The following CTNNB1 variants were observed in gnomAD, a reference collection of about 807,000 sequenced individuals.
The protein encoded by CTNNB1 is catenin beta-1.
A neutral mutation model predicts 82.5 loss-of-function variants in CTNNB1; 6 were observed. The observed-to-expected ratio is 0.07, with a 90% CI of 0.04 to 0.14. The LOEUF is 0.14. CTNNB1 is among the 10% of genes least tolerant of loss of function. CTNNB1 has a pLI of 1.00. For missense variants in CTNNB1, 529 were observed against 980.4 expected, an observed-to-expected ratio of 0.54 and a Z score of 6.15; for synonymous variants, 312 against 329.7, an observed-to-expected ratio of 0.95 and a Z score of 0.58.
At chr3:41,216,568 T>G (rs188611149) in intron 1 of CTNNB1, among the ~76,000 whole-genome samples, 4 of 152,396 alleles carry the variant, frequency 2.6e-5, no homozygotes, top group Non-Finnish European at 1.5e-5. Flanking sequence ...TAGCAGTTTG[T>G]TTTTGCCTTG....
intron 1 of CTNNB1, among the ~76,000 whole-genome samples, chr3:41,215,887 T>C (rs1302976255): frequency 3.9e-5 from 6 of 152,152 alleles, no homozygotes; most frequent in Non-Finnish European, 7.4e-5. Context: ...TATTAAAAGT[T>C]TTTTTGGGCT....
chr3:41,199,990 C>G (rs1402797527), intron 1 of CTNNB1: 1 of 144,978 alleles, frequency 6.9e-6, no homozygotes, highest in Non-Finnish European at 1.5e-5. Context: ...TCTGTGGTTT[C>G]CGTCCGGGGC....
In CTNNB1 at chr3:41,240,176, T is replaced by G. The variant is rs996677731; in HGVS notation, c.*834T>G. The G allele has an allele frequency of 4.9e-6, 1 of 203,680 alleles. No individual in the cohort carries two copies. Among genetic ancestry groups the G allele is most frequent in the Non-Finnish European group, 1.0e-5 (1 of 98,932 alleles). The allele number at this position is 203,680 out of a possible 1,614,324, so 12.6% of individuals were successfully genotyped here. A position where few individuals can be genotyped will look rare whatever the true frequency, so the allele number is the denominator to read the frequency against. ...GTAACAATTGTGTAGCCTTTTTGTA[T>G]AAAATAGACAAATAGAAAATGGTCC... On this transcript the variant is annotated 3_prime_UTR_variant, in exon 15 of 15. Coordinates refer to ENST00000349496, the MANE Select transcript of CTNNB1 (RefSeq NM_001904.4).
chr3:41,199,604 C>G lies in CTNNB1; in HGVS notation c.-115C>G. ...AGGTCTGAGGAGCAGCTTCAGTCCC[C>G]GCCGAGCCGCCACCGCAGGTCGAGG... On this transcript the variant is annotated 5_prime_UTR_variant, in exon 1 of 15. Coordinates refer to ENST00000349496, the MANE Select transcript of CTNNB1 (RefSeq NM_001904.4). 1 of 152,518 alleles carries G rather than the reference C, an allele frequency of 6.6e-6. No individual in the cohort carries two copies. Among genetic ancestry groups the G allele is most frequent in the Non-Finnish European group, 1.5e-5 (1 of 68,310 alleles). 9.4% of individuals were successfully genotyped at this position (152,518 alleles called of 1,614,324 possible).
intron 1 of CTNNB1, among the ~76,000 whole-genome samples, chr3:41,211,282 C>G (rs2077779993): frequency 6.6e-6 from 1 of 152,174 alleles, no homozygotes; most frequent in Non-Finnish European, 1.5e-5. Flanking sequence ...AGTTCATCAT[C>G]CACTGAAATG....
At chr3:41,217,907 T>G (rs956569302) in intron 1 of CTNNB1, among the ~76,000 whole-genome samples, 2 of 152,206 alleles carry the variant, frequency 1.3e-5, no homozygotes, top group Non-Finnish European at 1.5e-5. Context: ...TTAATTATGT[T>G]ACGGATGTTC....
intron 7 of CTNNB1, 146 bp downstream of exon 7, chr3:41,227,498 C>A (rs747820946): frequency 1.2e-6 from 1 of 814,674 alleles, no homozygotes; most frequent in East Asian, 2.7e-5. Flanking sequence ...ATTCAGAGTA[C>A]CTGTCATCTG....
chr3:41,214,766 C>T (rs553919615), intron 1 of CTNNB1, among the ~76,000 whole-genome samples: 34 of 151,124 alleles, frequency 2.2e-4, no homozygotes, highest in Non-Finnish European at 4.3e-4. Context: ...AACTAAGAAT[C>T]GTTTTGGATA....
chr3:41,199,538 G>A lies in CTNNB1; in HGVS notation c.-181G>A. On this transcript the variant is annotated 5_prime_UTR_variant, in exon 1 of 15. Transcript: ENST00000349496. Reference sequence around the variant, plus strand: ...CGGTCTGTGGCAGCAGCGTTGGCCCGGCCCCGGGAGCGGAGAGCGAGGGGA... The same window carrying A: ...CGGTCTGTGGCAGCAGCGTTGGCCCAGCCCCGGGAGCGGAGAGCGAGGGGA... 1 of 153,420 alleles carries A rather than the reference G, an allele frequency of 6.5e-6. No individual in the cohort carries two copies. Among genetic ancestry groups the A allele is most frequent in the Non-Finnish European group, 1.4e-5 (1 of 69,052 alleles). The allele number at this position is 153,420 out of a possible 1,614,324, so 9.5% of individuals were successfully genotyped here.
intron 9 of CTNNB1, 85 bp downstream of exon 9, chr3:41,233,952 G>T (rs1365522944): frequency 2.0e-6 from 3 of 1,472,102 alleles, no homozygotes; most frequent in Non-Finnish European, 2.9e-6. Context: ...TAAGCATAGT[G>T]ATCAATAAGT....
intron 7 of CTNNB1, among the ~76,000 whole-genome samples, chr3:41,232,544 T>G (rs1166923106): frequency 6.6e-6 from 1 of 151,866 alleles, no homozygotes; most frequent in Non-Finnish European, 1.5e-5. Flanking sequence ...CATTCAGAAG[T>G]GATTTAAGTT....
chr3:41,221,424 A>G (rs2078047221), intron 1 of CTNNB1: 1 of 151,186 alleles, frequency 6.6e-6, no homozygotes. Flanking sequence ...ATAGCTCACT[A>G]TAACCTTGAA....
chr3:41,237,618 G>C (rs1327385434), intron 13 of CTNNB1: 1 of 181,118 alleles, frequency 5.5e-6, no homozygotes, highest in African/African-American at 2.4e-5. Context: ...AGCTTTGTCT[G>C]TCCAGCTGCT....
At position 41,234,309 on chromosome 3, in the gene CTNNB1, C is replaced by A; in HGVS notation, c.1683+12C>A. On this transcript the variant is annotated intron_variant, in intron 10 of 14. Coordinates refer to ENST00000349496, the MANE Select transcript of CTNNB1 (RefSeq NM_001904.4). Reference sequence around the variant, plus strand: ...AGCAGCAATTTGTGGTAGGTAAATTCTTACAGTGATACCTGGCTATCTAAA... The same window carrying A: ...AGCAGCAATTTGTGGTAGGTAAATTATTACAGTGATACCTGGCTATCTAAA... The A allele has an allele frequency of 6.2e-7, 1 of 1,614,016 alleles. No individual in the cohort carries two copies. Among genetic ancestry groups the A allele is most frequent in the Admixed American group, 1.7e-5 (1 of 60,034 alleles).
rs1207330730 is a variant in CTNNB1 at position 41,239,986 on chromosome 3, C to CTTTTTTTTTTTTTTTTTTTT, written c.*650_*669dup. 10 of 30,588 alleles carry CTTTTTTTTTTTTTTTTTTTT rather than the reference C, an allele frequency of 3.3e-4. 1 individual carries two copies. Among genetic ancestry groups the CTTTTTTTTTTTTTTTTTTTT allele is most frequent in the Admixed American group, 5.2e-4 (1 of 1,936 alleles). The allele number at this position is 30,588 out of a possible 1,614,324, so 1.9% of individuals were successfully genotyped here. On this transcript the variant is annotated 3_prime_UTR_variant, in exon 15 of 15. Coordinates refer to ENST00000349496, the MANE Select transcript of CTNNB1 (RefSeq NM_001904.4). Reference sequence around the variant, plus strand: ...TGACTTTGCTTGCTTTGAAGTAGCTCTTTTTTTTTTTTTTTTTTTTTTTTT... The same window carrying CTTTTTTTTTTTTTTTTTTTT: ...TGACTTTGCTTGCTTTGAAGTAGCTCTTTTTTTTTTTTTTTTTTTTTTTTTTTTTTTTTTTTTTTTTTTTT...
At position 41,238,043 on chromosome 3, in the gene CTNNB1, G is replaced by C. The variant is rs1302131125; in HGVS notation, c.2104G>C (p.Ala702Pro). 1 of 1,613,854 alleles carries C rather than the reference G, an allele frequency of 6.2e-7. No homozygotes were observed. The stretch of plus-strand genomic sequence containing the variant: ...TGCTGATCTTGGACTTGATATTGGT[G>C]CCCAGGGAGAACCCCTTGGATATCG... ...ETADLGLDIGAQGEPLGYRQD... is the reference protein window; with the variant it reads ...ETADLGLDIGPQGEPLGYRQD... Residue 702 changes from alanine (A) to proline (P), a missense_variant, in exon 14 of 15, where the codon GCC becomes CCC. Ala to Pro is a conservative substitution (Grantham distance 27). Around this residue, in one of 4 missense-constraint regions of CTNNB1, gnomAD observed 102 missense variants for 130.8 expected, o/e 0.78. Transcript: ENST00000349496.
rs2125621781 is a variant in CTNNB1, at chr3:41,225,284, C to T, written c.496-50C>T. Reference sequence around the variant, plus strand: ...GGGGAGTAGTTTCAGAATGTCTACCCAATACCAGTACTTGAAAACTAACGA... The same window carrying T: ...GGGGAGTAGTTTCAGAATGTCTACCTAATACCAGTACTTGAAAACTAACGA... On this transcript the variant is annotated intron_variant, in intron 4 of 14. Coordinates refer to ENST00000349496, the MANE Select transcript of CTNNB1 (RefSeq NM_001904.4). This position sits in a 1 kb window ranked among gnomAD's most constrained non-coding sequence, Gnocchi z 5.3. 6.2e-7 allele frequency: 1 copy of T among 1,613,342 alleles called. No homozygotes were observed. The highest frequency in any genetic ancestry group is 1.1e-5 in the South Asian group (1 of 91,012).
At chr3:41,215,610 C>T (rs2077899128) in intron 1 of CTNNB1, among the ~76,000 whole-genome samples, 1 of 152,038 alleles carries the variant, frequency 6.6e-6, no homozygotes, top group Non-Finnish European at 1.5e-5. Flanking sequence ...GAGTTCACTT[C>T]ATTAGGCTCT....
In CTNNB1 at chr3:41,235,597, C is replaced by T. The variant is rs546888305; in HGVS notation, c.1684-127C>T. 2.4e-5 allele frequency: 30 copies of T among 1,257,930 alleles called. No individual in the cohort carries two copies. In the South Asian group the frequency reaches 3.4e-4, roughly 14 times the overall value. The allele number at this position is 1,257,930 out of a possible 1,614,324, so 77.9% of individuals were successfully genotyped here. ...ATTCAAGTTAATGGAATCCTTCTTC[C>T]TTCCTGAACTAATTGCAAGTTACGG... On this transcript the variant is annotated intron_variant, in intron 10 of 14. Transcript: ENST00000349496.
Sources: allele counts gnomAD v4.1 joint callset (sites outside exome capture counted in the v4.1 genomes callset), GRCh38; gene constraint gnomAD v4.1.1; regional missense constraint gnomAD v4.1.1; non-coding constraint Gnocchi (gnomAD v3.1); transcripts MANE v1.5; gene names NCBI Gene and HGNC (gene_info 2026-07-23, HGNC 2026-07-21).